IQCN: variants seen among roughly 807,000 people sequenced by gnomAD.
The protein encoded by IQCN is IQ motif containing N, also known as IQ domain-containing protein N.
IQCN carries 46 observed loss-of-function variants against 64.4 expected under a neutral mutation model. That is an observed-to-expected ratio of 0.71 (90% confidence interval 0.56 to 0.91). The LOEUF (loss-of-function observed/expected upper bound fraction) is 0.91, where lower values mean the gene tolerates loss of function less well. IQCN is among the 40% of genes least tolerant of loss of function. The pLI is 0.00. For synonymous variants in IQCN, 733 were observed against 775.6 expected, an observed-to-expected ratio of 0.95 and a Z score of 0.91; for missense variants, 1,753 against 1,857.4, an observed-to-expected ratio of 0.94 and a Z score of 1.03.
Position 18,265,922 on chromosome 19 carries a change from T to C in IQCN, c.1618A>G (p.Thr540Ala). 1 of 1,614,090 alleles carries C rather than the reference T, an allele frequency of 6.2e-7. No individual in the cohort carries two copies. The change falls in exon 3 of 4, where the codon ACT (threonine) becomes GCT (alanine). Residue 540 changes from threonine (T) to alanine (A), a missense_variant. Thr to Ala is a moderately conservative substitution (Grantham distance 58). Transcript: ENST00000392413. This position sits in a 1 kb window ranked among gnomAD's most constrained non-coding sequence, Gnocchi z 4.7. ...APPQVAVAAG[T>A]PNTSGSIHEN... ...TGGATGGAGCCTGAGGTGTTGGGAG[T>C]TCCGGCTGCTACCGCCACTTGGGGT... is the stretch of plus-strand genomic sequence containing the variant.
At chr19:18,258,451 T>G in intron 3 of IQCN, 4 of 547,810 alleles carry the variant, frequency 7.3e-6, no homozygotes, top group Non-Finnish European at 1.0e-5. Context: ...GGAACAATCC[T>G]ACCATGCACG....
Position 18,258,027 on chromosome 19 carries a change from T to G in IQCN, c.3257A>C (p.Asp1086Ala), listed in dbSNP as rs866301236. 2 of 1,612,564 alleles carry G rather than the reference T, an allele frequency of 1.2e-6. No homozygotes were observed. The highest frequency in any genetic ancestry group is 2.7e-5 in the African/African-American group (2 of 74,900). Residue 1086 changes from aspartate to alanine, a missense_variant, in exon 4 of 4, where the codon GAC (aspartate) becomes GCC (alanine). Transcript: ENST00000392413. ...CACCACCGCCTTGTTGCGCCAGGTG[T>G]CCCAGGACGCAGCACCCCTGGCTGG... ...WEPARGAASW[D>A]TWRNKAVVPP...
chr19:18,268,508 G>A (rs569405705), intron 2 of IQCN, among the ~76,000 whole-genome samples: 9 of 152,138 alleles, frequency 5.9e-5, no homozygotes, highest in African/African-American at 2.2e-4. Flanking sequence ...GGATGAATAG[G>A]TAAATAAAGC....
In IQCN at chr19:18,264,414, T is replaced by C; in HGVS notation, c.3126A>G (p.Pro1042=). 1 of 1,541,484 alleles carries C rather than the reference T, an allele frequency of 6.5e-7. No individual in the cohort carries two copies. Among genetic ancestry groups the C allele is most frequent in the Non-Finnish European group, 8.8e-7 (1 of 1,141,614 alleles). The change falls in exon 3 of 4, where the codon CCA becomes CCG. Residue 1042 remains proline, a synonymous_variant. Coordinates refer to ENST00000392413, the MANE Select transcript of IQCN (RefSeq NM_001145304.2). The surrounding 1 kb of genome is among the most constrained non-coding windows in gnomAD (Gnocchi z 4.3). The stretch of plus-strand genomic sequence containing the variant: ...CCAGGGAGGGCCCCCATGCGGCCGA[T>C]GGACTCCTCCTGCAGGCCACCTTCA... ...ALVKVACRRS[P]SAAWGPSLGP...
In IQCN at chr19:18,267,444, C is replaced by T. The variant is rs758535417; in HGVS notation, c.96G>A (p.Ala32=). The T allele has an allele frequency of 3.5e-5, 54 of 1,551,058 alleles. No homozygotes were observed. The highest frequency in any genetic ancestry group is 1.1e-4 in the East Asian group (5 of 44,490). Residue 32 remains alanine (A), a synonymous_variant, in exon 3 of 4, where the codon GCG becomes GCA. Transcript: ENST00000392413. ...GGTGAGCGGGGGCTGGAGGATGCAC[C>T]GCCCACTGGGTGACAACTGGCTCGT... ...TVHEPVVTQW[A]VHPPAPAHPS...
intron 3 of IQCN, 118 bp from the exon 4 acceptor site, chr19:18,258,224 T>A: frequency 2.7e-6 from 3 of 1,106,234 alleles, no homozygotes; most frequent in Non-Finnish European, 4.0e-6. Flanking sequence ...GGGAACCACT[T>A]GGGGAAGACT....
Position 18,265,694 on chromosome 19 carries a change from T to G in IQCN, c.1846A>C (p.Thr616Pro). The G allele has an allele frequency of 6.2e-7, 1 of 1,614,142 alleles. No individual in the cohort carries two copies. The change falls in exon 3 of 4, where the codon ACA becomes CCA. Residue 616 changes from threonine to proline, a missense_variant. Physicochemically the swap from Thr to Pro is conservative, Grantham distance 38. Transcript: ENST00000392413. This position sits in a 1 kb window ranked among gnomAD's most constrained non-coding sequence, Gnocchi z 4.7. Reference protein sequence around the residue: ...IKTGTQKQAKTDMAFKTSVAV... With the variant: ...IKTGTQKQAKPDMAFKTSVAV... ...ACACTGGTCTTAAATGCCATGTCTG[T>G]TTTCGCCTGTTTCTGGGTGCCAGTC...
At chr19:18,271,598 T>C (rs1969736743) in intron 1 of IQCN, among the ~76,000 whole-genome samples, 1 of 151,936 alleles carries the variant, frequency 6.6e-6, no homozygotes, top group African/African-American at 2.4e-5. Flanking sequence ...GCCTAACAAG[T>C]TAACGGAGAT....
At position 18,264,257 on chromosome 19, in the gene IQCN, G is replaced by C; in HGVS notation, c.3177+106C>G. ...CTCCCACAGTGACCACAGATAAGCA[G>C]GGTGACCCCCACAAGATGGCCCCAT... On this transcript the variant is annotated intron_variant, in intron 3 of 3. Transcript: ENST00000392413. This position sits in a 1 kb window ranked among gnomAD's most constrained non-coding sequence, Gnocchi z 4.3. 1.0e-6 allele frequency: 1 copy of C among 988,288 alleles called. No individual in the cohort carries two copies. The highest frequency in any genetic ancestry group is 1.4e-6 in the Non-Finnish European group (1 of 693,522). 61.2% of individuals were successfully genotyped at this position (988,288 alleles called of 1,614,324 possible).
intron 2 of IQCN, among the ~76,000 whole-genome samples, chr19:18,268,981 A>AAG (rs1555700823): frequency 1.4e-5 from 2 of 147,588 alleles, no homozygotes; most frequent in African/African-American, 5.0e-5. Flanking sequence ...AAAAAAAAAA[A>AAG]GAGCCAGGTA....
At chr19:18,262,663 T>G (rs1383731340) in intron 3 of IQCN, 1 of 152,252 alleles carries the variant, frequency 6.6e-6, no homozygotes, top group African/African-American at 2.4e-5. Context: ...TGTGGTAGCC[T>G]TGGGGTCACC....
At chr19:18,270,830 CAAAAAA>C (rs55706433) in intron 1 of IQCN, among the ~76,000 whole-genome samples, 130 of 107,112 alleles carry the variant, frequency 1.2e-3, no homozygotes, top group African/African-American at 4.2e-3. Context: ...GACCCTGTCT[CAAAAAA>C]AAAAAAAAAA....
intron 3 of IQCN, chr19:18,258,626 G>C (rs982380633): frequency 2.8e-6 from 1 of 353,684 alleles, no homozygotes; most frequent in Non-Finnish European, 5.6e-6. Context: ...AGACCATGCT[G>C]GTGGTCCCTG....
At chr19:18,262,386 G>A (rs1969449863) in intron 3 of IQCN, 1 of 152,770 alleles carries the variant, frequency 6.5e-6, no homozygotes. Flanking sequence ...TGGGTAGTCT[G>A]GACTTGGAGA....
intron 3 of IQCN, chr19:18,261,727 T>C (rs1174855932): frequency 1.3e-5 from 2 of 156,028 alleles, no homozygotes; most frequent in African/African-American, 4.8e-5. Context: ...TAGGCTGAGC[T>C]TGGGGACACC....
intron 3 of IQCN, chr19:18,260,268 C>T (rs966314815): frequency 3.9e-5 from 6 of 152,532 alleles, no homozygotes; most frequent in Non-Finnish European, 7.3e-5. Context: ...AGGTTCTTCA[C>T]ATAGGTTCAC....
At chr19:18,268,532 G>A (rs759653341) in intron 2 of IQCN, among the ~76,000 whole-genome samples, 39 of 152,064 alleles carry the variant, frequency 2.6e-4, no homozygotes, top group Admixed American at 2.3e-3. Flanking sequence ...TGAATAAAGT[G>A]TTAAAGGCAA....
In IQCN at chr19:18,266,180, G is replaced by C. The variant is rs752899262; in HGVS notation, c.1360C>G (p.Pro454Ala). Reference protein sequence around the residue: ...VCPGPAMAKTPPQMHPVTTPA... With the variant: ...VCPGPAMAKTAPQMHPVTTPA... ...GTGGTGACCGGGTGCATCTGGGGTG[G>C]GGTCTTTGCCATCGCAGGCCCCGGG... Residue 454 changes from proline to alanine, a missense_variant, in exon 3 of 4, where the codon CCA (proline) becomes GCA (alanine). Pro to Ala is a conservative substitution (Grantham distance 27, BLOSUM62 -1). Coordinates refer to ENST00000392413, the MANE Select transcript of IQCN (RefSeq NM_001145304.2). The surrounding 1 kb of genome is among the most constrained non-coding windows in gnomAD (Gnocchi z 4.3). 5.0e-6 allele frequency: 8 copies of C among 1,614,028 alleles called. No individual in the cohort carries two copies. The South Asian group carries it at 7.7e-5, about 16-fold the overall frequency.
chr19:18,265,323 C>T lies in IQCN; in HGVS notation c.2217G>A (p.Leu739=), dbSNP rs1342093202. The stretch of plus-strand genomic sequence containing the variant: ...GCTGCCCCCGGGACTGCGTCTTGGT[C>T]AGACAGGTGGCTAGAGGCGCTTGGG... The part of the protein sequence containing the change: ...VQSQAPLATC[L]TKTQSRGQPI... Residue 739 remains leucine, a synonymous_variant, in exon 3 of 4, where the codon CTG becomes CTA. Transcript: ENST00000392413. The surrounding 1 kb of genome is among the most constrained non-coding windows in gnomAD (Gnocchi z 4.7). 3 of 1,614,094 alleles carry T rather than the reference C, an allele frequency of 1.9e-6. No individual in the cohort carries two copies. Among genetic ancestry groups the T allele is most frequent in the Non-Finnish European group, 2.5e-6 (3 of 1,180,018 alleles).
Sources: allele counts gnomAD v4.1 joint callset (sites outside exome capture counted in the v4.1 genomes callset), GRCh38; gene constraint gnomAD v4.1.1; non-coding constraint Gnocchi (gnomAD v3.1); transcripts MANE v1.5; gene names NCBI Gene and HGNC (gene_info 2026-07-23, HGNC 2026-07-21).